The following CLTCL1 variants were observed in gnomAD, a reference collection of about 807,000 sequenced individuals.
CLTCL1 encodes clathrin heavy chain 2.
CLTCL1 carries 159 observed loss-of-function variants against 190.0 expected under a neutral mutation model. The ratio of observed to expected loss-of-function variants is 0.84; its 90% CI spans 0.74 to 0.95. The LOEUF (loss-of-function observed/expected upper bound fraction) is 0.95, where lower values mean the gene tolerates loss of function less well. Among genes scored for constraint, CLTCL1 ranks in the 40% least tolerant of loss-of-function variants. CLTCL1 has a pLI of 0.00. For missense variants in CLTCL1, 1,878 were observed against 2,033.4 expected, an observed-to-expected ratio of 0.92 and a Z score of 1.47; for synonymous variants, 752 against 769.6, an observed-to-expected ratio of 0.98 and a Z score of 0.38.
chr22:19,287,920 A>G (rs1298201523), intron 1 of CLTCL1, among the ~76,000 whole-genome samples: 1 of 152,212 alleles, frequency 6.6e-6, no homozygotes, highest in South Asian at 2.1e-4. Flanking sequence ...AGTGCTTTAC[A>G]GTAGTCCCTT....
chr22:19,202,032 C>T (rs2084903180), intron 22 of CLTCL1, among the ~76,000 whole-genome samples: 1 of 152,078 alleles, frequency 6.6e-6, no homozygotes, highest in African/African-American at 2.4e-5. Context: ...TGGGAACCTT[C>T]CACAAGTACC....
chr22:19,244,755 TACCTTCCCACCTC>T (rs1216416627), intron 3 of CLTCL1, among the ~76,000 whole-genome samples: 1 of 152,216 alleles, frequency 6.6e-6, no homozygotes, highest in African/African-American at 2.4e-5. Context: ...CTGCCAGGCT[TACCTTCCCACCTC>T]ATGGGGCTGC....
chr22:19,183,194 C>T, intron 30 of CLTCL1, 196 bp downstream of exon 30: 1 of 575,008 alleles, frequency 1.7e-6, no homozygotes, highest in Non-Finnish European at 3.1e-6. Flanking sequence ...TGATGATTTT[C>T]TGGAGGGGCT....
intron 11 of CLTCL1, 117 bp from the exon 12 acceptor site, chr22:19,226,500 C>CT: frequency 9.1e-7 from 1 of 1,101,950 alleles, no homozygotes; most frequent in Non-Finnish European, 1.3e-6. Context: ...TCACAGGCCC[C>CT]TGTCCACATC....
At chr22:19,215,002 A>G (rs192941970) in intron 19 of CLTCL1, among the ~76,000 whole-genome samples, 2 of 152,368 alleles carry the variant, frequency 1.3e-5, no homozygotes, top group East Asian at 3.9e-4. Context: ...GAAATCATCA[A>G]TGAAAGAAGA....
intron 26 of CLTCL1, among the ~76,000 whole-genome samples, chr22:19,191,717 C>T (rs1297717793): frequency 6.6e-6 from 1 of 152,102 alleles, no homozygotes; most frequent in African/African-American, 2.4e-5. Context: ...CACTCAGTAT[C>T]GGCTGAATGA....
intron 10 of CLTCL1, among the ~76,000 whole-genome samples, chr22:19,230,399 C>T (rs955344858): frequency 7.2e-5 from 11 of 152,112 alleles, no homozygotes; most frequent in African/African-American, 1.9e-4. Flanking sequence ...CCACTGCGCC[C>T]GGCCCCTTTC....
intron 19 of CLTCL1, among the ~76,000 whole-genome samples, chr22:19,214,405 G>A (rs797031494): frequency 1.4e-4 from 22 of 152,202 alleles, no homozygotes; most frequent in African/African-American, 5.3e-4. Context: ...GTGTGCTCAA[G>A]CTCTCTGCTT....
At chr22:19,223,037 T>A (rs2085625747) in intron 14 of CLTCL1, among the ~76,000 whole-genome samples, 1 of 152,208 alleles carries the variant, frequency 6.6e-6, no homozygotes, top group Non-Finnish European at 1.5e-5. Context: ...ACATTTGGCA[T>A]TAACATTCCA....
At chr22:19,194,005 T>C (rs77704134) in intron 26 of CLTCL1, among the ~76,000 whole-genome samples, 7,205 of 152,266 alleles carry the variant, frequency 0.047, 593 homozygotes, top group African/African-American at 0.16. Flanking sequence ...TTTATTCCCT[T>C]ATTTGGCCCC....
At chr22:19,184,451 A>T in intron 29 of CLTCL1, 2 of 455,812 alleles carry the variant, frequency 4.4e-6, no homozygotes, top group South Asian at 1.5e-5. Flanking sequence ...ATCTGCATGG[A>T]CCCGATGTGC....
At chr22:19,188,207 AAGGG>A in intron 27 of CLTCL1, 116 bp from the exon 28 acceptor site, 1 of 882,726 alleles carries the variant, frequency 1.1e-6, no homozygotes, top group South Asian at 1.4e-5. Flanking sequence ...CTCTGGAGCC[AAGGG>A]CACCTTCTGG....
rs915133776 is a variant in CLTCL1, at chr22:19,180,711, G to A, written c.4903+20C>T. 19 of 1,612,870 alleles carry A rather than the reference G, an allele frequency of 1.2e-5. No homozygotes were observed. The highest frequency in any genetic ancestry group is 1.6e-5 in the Non-Finnish European group (19 of 1,179,260). On this transcript the variant is annotated intron_variant, in intron 31 of 32. Transcript: ENST00000427926. The stretch of plus-strand genomic sequence containing the variant: ...CCCTGCTCCCTCCCCAGGGGGTTGG[G>A]GGCTACAGGTGCCACCTACCAAACA...
chr22:19,260,248 C>G (rs1446246375), intron 2 of CLTCL1, among the ~76,000 whole-genome samples: 5 of 152,194 alleles, frequency 3.3e-5, no homozygotes, highest in South Asian at 4.1e-4. Flanking sequence ...GAAGCTGTGT[C>G]AAGTTCTCCA....
rs147310576 is a variant in CLTCL1 at position 19,230,347 on chromosome 22, G to A, written c.1645-372C>T. Among the ~76,000 whole-genome samples, 289 of 152,056 alleles carry A rather than the reference G, an allele frequency of 1.9e-3. 2 individuals carry two copies. The highest frequency in any genetic ancestry group is 6.3e-3 in the African/African-American group (261 of 41,482). Reference sequence around the variant, plus strand: ...TCGAACTCCCGACTTCAGGTGATCCGCCCGCCTCGGCCTCCCAAAGTGCTG... The same window carrying A: ...TCGAACTCCCGACTTCAGGTGATCCACCCGCCTCGGCCTCCCAAAGTGCTG... On this transcript the variant is annotated intron_variant, in intron 10 of 32. Transcript: ENST00000427926.
rs781989817 is a variant in CLTCL1 at position 19,196,258 on chromosome 22, CCT to C, written c.4191+6_4191+7del. The C allele has an allele frequency of 2.1e-5, 34 of 1,611,640 alleles. No homozygotes were observed. Among genetic ancestry groups the C allele is most frequent in the Non-Finnish European group, 2.6e-5 (31 of 1,179,680 alleles). ...TGGCAGGAGCCAGCGCTCTGTATCC[CCT>C]CTTACCTTGGTAATGATGTCCTTGA... On this transcript the variant is annotated splice_donor_region_variant and intron_variant, in intron 26 of 32. Coordinates refer to ENST00000427926, the MANE Select transcript of CLTCL1 (RefSeq NM_007098.4).
At chr22:19,287,656 G>A (rs1462118164) in intron 1 of CLTCL1, among the ~76,000 whole-genome samples, 1 of 152,154 alleles carries the variant, frequency 6.6e-6, no homozygotes, top group Non-Finnish European at 1.5e-5. Flanking sequence ...ATCAAGGTGG[G>A]GAGGGATGGC....
rs569834759 is a variant in CLTCL1 at position 19,180,596 on chromosome 22, T to G, written c.4903+135A>C. ...TGGGCGTACACTTCTCCACACCCAG[T>G]AGCCACTGGGATCCTTCCAGCCCCC... On this transcript the variant is annotated intron_variant, in intron 31 of 32. Transcript: ENST00000427926. The G allele has an allele frequency of 3.8e-6, 3 of 799,534 alleles. No homozygotes were observed. In the Admixed American group the frequency reaches 6.6e-5, roughly 18 times the overall value. 49.5% of individuals were successfully genotyped at this position (799,534 alleles called of 1,614,324 possible). A position where few individuals can be genotyped will look rare whatever the true frequency, so the allele number is the denominator to read the frequency against.
At chr22:19,280,818 C>CAAAAAAAAAAAAA (rs35797654) in intron 1 of CLTCL1, among the ~76,000 whole-genome samples, 1 of 59,458 alleles carries the variant, frequency 1.7e-5, no homozygotes, top group African/African-American at 7.0e-5. Flanking sequence ...GACTCCATCT[C>CAAAAAAAAAAAAA]AAAAAAAAAA....
Sources: allele counts gnomAD v4.1 joint callset (sites outside exome capture counted in the v4.1 genomes callset), GRCh38; gene constraint gnomAD v4.1.1; transcripts MANE v1.5; gene names NCBI Gene and HGNC (gene_info 2026-07-23, HGNC 2026-07-21).